CHGB: variants seen among roughly 807,000 people sequenced by gnomAD.
CHGB encodes the protein secretogranin-1.
CHGB carries 46 observed loss-of-function variants against 69.9 expected under a neutral mutation model. That is an observed-to-expected ratio of 0.66 (90% CI 0.52 to 0.84). The LOEUF (loss-of-function observed/expected upper bound fraction) is 0.84. CHGB is among the 40% of genes least tolerant of loss of function. The pLI is 0.00. For missense variants in CHGB, 796 were observed against 822.2 expected (o/e 0.97, Z 0.39); for synonymous variants, 312 against 298.2 (o/e 1.05, Z -0.48).
At chr20:5,912,914 A>G (rs75577876) in intron 1 of CHGB, among the ~76,000 whole-genome samples, 4,694 of 152,258 alleles carry the variant, frequency 0.031, 237 homozygotes, top group African/African-American at 0.11. Context: ...TGTAAGCTAT[A>G]TACATTCAGA....
rs148482419 is a variant in CHGB, at chr20:5,922,399, G to A, written c.255G>A (p.Leu85=). 37 of 1,601,526 alleles carry A rather than the reference G, an allele frequency of 2.3e-5. No homozygotes were observed. The highest frequency in any genetic ancestry group is 3.2e-5 in the Non-Finnish European group (37 of 1,170,792). ...ENENTKFEVR[L]LRDPADASEA... is the part of the protein sequence containing the mutation. ...AAAACACAAAGTTTGAAGTAAGATT[G>A]TTAAGAGACCCAGCTGATGCCTCGG... Residue 85 remains leucine, a synonymous_variant, in exon 4 of 5, where the codon TTG becomes TTA. Coordinates refer to ENST00000378961, the MANE Select transcript of CHGB (RefSeq NM_001819.3).
intron 3 of CHGB, chr20:5,917,132 G>T (rs446659): frequency 8.8e-5 from 50 of 570,322 alleles, no homozygotes; most frequent in African/African-American, 5.8e-4. Context: ...AGGAAAGACA[G>T]TTTGCCTCTC....
chr20:5,920,461 G>GAT (rs1253332352), intron 3 of CHGB, among the ~76,000 whole-genome samples: 1 of 152,226 alleles, frequency 6.6e-6, no homozygotes, highest in Non-Finnish European at 1.5e-5. Context: ...CAAGATCAGA[G>GAT]TGTCTTATGA....
At chr20:5,917,838 C>T (rs574443168) in intron 3 of CHGB, 1 of 151,778 alleles carries the variant, frequency 6.6e-6, no homozygotes, top group Non-Finnish European at 1.5e-5. Flanking sequence ...ATTTTTTCAC[C>T]TTTAAAAATC....
intron 3 of CHGB, 77 bp downstream of exon 3, chr20:5,916,996 CT>C: frequency 7.6e-7 from 1 of 1,313,210 alleles, no homozygotes; most frequent in Non-Finnish European, 1.1e-6. Flanking sequence ...TCACCTTCTA[CT>C]TTATCTACAA....
chr20:5,919,373 G>A (rs1477097864), intron 3 of CHGB, among the ~76,000 whole-genome samples: 2 of 152,196 alleles, frequency 1.3e-5, no homozygotes, highest in Non-Finnish European at 2.9e-5. Context: ...TGCTGAGATG[G>A]CGAAGGTTTA....
chr20:5,914,492 A>G (rs2088464494), intron 1 of CHGB: 1 of 152,204 alleles, frequency 6.6e-6, no homozygotes. Flanking sequence ...GTTAATAAAA[A>G]CATCTATTTT....
Position 5,922,516 on chromosome 20 carries a change from A to G in CHGB, c.372A>G (p.Ala124=), listed in dbSNP as rs2088520313. ...CAAAGGCAGACACAGAGAAATGGGC[A>G]GAGGGAGGCGGGCACAGCCGAGAGC... ...GPTKADTEKW[A]EGGGHSRERA... Residue 124 remains alanine (A), a synonymous_variant, in exon 4 of 5, where the codon GCA becomes GCG. Transcript: ENST00000378961. 1 of 1,613,112 alleles carries G rather than the reference A, an allele frequency of 6.2e-7. No homozygotes were observed. The highest frequency in any genetic ancestry group is 8.5e-7 in the Non-Finnish European group (1 of 1,179,370).
At chr20:5,915,984 A>G (rs1600211348) in intron 1 of CHGB, 1 of 176,852 alleles carries the variant, frequency 5.7e-6, no homozygotes, top group East Asian at 1.5e-4. Context: ...AAGTGCTGGG[A>G]TTACAAGCAT....
chr20:5,924,783 A>G (rs1192992501), intron 4 of CHGB, among the ~76,000 whole-genome samples, 189 bp from the exon 5 acceptor site: 1 of 152,190 alleles, frequency 6.6e-6, no homozygotes, highest in Non-Finnish European at 1.5e-5. Context: ...AGACCCCAAT[A>G]TCTGCATTTC....
chr20:5,916,814 G>GT lies in CHGB; in HGVS notation c.97-9dup. 6.2e-7 allele frequency: 1 copy of GT among 1,614,000 alleles called. No individual in the cohort carries two copies. The highest frequency in any genetic ancestry group is 1.1e-5 in the South Asian group (1 of 91,078). On this transcript the variant is annotated splice_polypyrimidine_tract_variant and intron_variant, in intron 2 of 4. Coordinates refer to ENST00000378961, the MANE Select transcript of CHGB (RefSeq NM_001819.3). ...ACCAGCTTCTCCAACCTGCTTTCGG[G>GT]TTTCCCCCCAGGTGACTCGCTGCAT...
intron 1 of CHGB, chr20:5,915,478 AAG>A (rs2088469991): frequency 1.3e-5 from 2 of 152,268 alleles, no homozygotes; most frequent in Non-Finnish European, 2.9e-5. Context: ...AGTGTGGAGA[AAG>A]AGAAACACAA....
In CHGB at chr20:5,923,348, G is replaced by A. The variant is rs1233890024; in HGVS notation, c.1204G>A (p.Gly402Ser). 1.2e-6 allele frequency: 2 copies of A among 1,613,794 alleles called. No individual in the cohort carries two copies. The highest frequency in any genetic ancestry group is 1.1e-5 in the South Asian group (1 of 91,066). The change falls in exon 4 of 5, where the codon GGT (glycine) becomes AGT (serine). Residue 402 changes from glycine (G) to serine (S), a missense_variant. This residue lies in a region of CHGB where 518 missense variants were observed against 506.3 expected (regional missense o/e 1.02). Coordinates refer to ENST00000378961, the MANE Select transcript of CHGB (RefSeq NM_001819.3). ...GCTTGATAAGATGGCACATGGATAT[G>A]GTGAAGAAAGTGAGGAAGAGAGGGG... ...LELDKMAHGY[G>S]EESEEERGLE...
rs962068172 is a variant in CHGB at position 5,911,732 on chromosome 20, C to T, written c.49+50C>T. 1.6e-5 allele frequency: 22 copies of T among 1,362,434 alleles called. No individual in the cohort carries two copies. The South Asian group carries it at 2.3e-4, about 15-fold the overall frequency. The allele number at this position is 1,362,434 out of a possible 1,614,324, so 84.4% of individuals were successfully genotyped here. ...AGCACCGCGGACAGCGCCAGCCTCGCTCTTCCCCGCCGCTCCCGCAGCCAG... is the reference window on the plus strand; with the variant it reads ...AGCACCGCGGACAGCGCCAGCCTCGTTCTTCCCCGCCGCTCCCGCAGCCAG... On this transcript the variant is annotated intron_variant, in intron 1 of 4. Coordinates refer to ENST00000378961, the MANE Select transcript of CHGB (RefSeq NM_001819.3).
chr20:5,923,629 C>T lies in CHGB; in HGVS notation c.1485C>T (p.Asn495=), dbSNP rs1352516889. The T allele has an allele frequency of 6.2e-7, 1 of 1,613,948 alleles. No homozygotes were observed. The highest frequency in any genetic ancestry group is 8.5e-7 in the Non-Finnish European group (1 of 1,180,026). The change falls in exon 4 of 5, where the codon AAC becomes AAT. Residue 495 remains asparagine (N), a synonymous_variant. Coordinates refer to ENST00000378961, the MANE Select transcript of CHGB (RefSeq NM_001819.3). ...QQGDLQDTKE[N]REEARFQDKQ... ...GAGACCTGCAGGACACTAAAGAAAA[C>T]AGGGAGGAAGCTAGGTTTCAAGATA...
chr20:5,925,138 C>T lies in CHGB; in HGVS notation c.*89C>T, dbSNP rs1322490386. ...CACTGAAAGACACCATTTATCTACC[C>T]AAGGGCAGAAAGTAGAACTTACTAT... On this transcript the variant is annotated 3_prime_UTR_variant, in exon 5 of 5. Coordinates refer to ENST00000378961, the MANE Select transcript of CHGB (RefSeq NM_001819.3). The T allele has an allele frequency of 1.0e-5, 8 of 783,128 alleles. No individual in the cohort carries two copies. The East Asian group carries it at 1.8e-4, about 18-fold the overall frequency. The allele number at this position is 783,128 out of a possible 1,614,324, so 48.5% of individuals were successfully genotyped here.
intron 3 of CHGB, among the ~76,000 whole-genome samples, chr20:5,918,462 A>G (rs2122571450): frequency 6.6e-6 from 1 of 152,288 alleles, no homozygotes; most frequent in Non-Finnish European, 1.5e-5. Context: ...CTCTTGCTAT[A>G]GCTATACATG....
chr20:5,916,861 CTTG>C lies in CHGB; in HGVS notation c.134_136del (p.Leu45del). ...GCATCATTGAGGTCCTCTCAAATGC[CTTG>C]TCGAAGTCCAGCGCTCCACCCATCA... On this transcript the variant is annotated inframe_deletion, in exon 3 of 5. Coordinates refer to ENST00000378961, the MANE Select transcript of CHGB (RefSeq NM_001819.3). The C allele has an allele frequency of 6.2e-7, 1 of 1,614,230 alleles. No individual in the cohort carries two copies. The highest frequency in any genetic ancestry group is 8.5e-7 in the Non-Finnish European group (1 of 1,180,044).
Position 5,916,874 on chromosome 20 carries a change from A to G in CHGB, c.145A>G (p.Ser49Gly), listed in dbSNP as rs1450642385. 2.1e-5 allele frequency: 34 copies of G among 1,614,072 alleles called. No homozygotes were observed. Among genetic ancestry groups the G allele is most frequent in the Non-Finnish European group, 2.7e-5 (32 of 1,180,054 alleles). Residue 49 changes from serine (S) to glycine (G), a missense_variant, in exon 3 of 5, where the codon AGC becomes GGC. This residue lies in a region of CHGB where 518 missense variants were observed against 506.3 expected (regional missense o/e 1.02). Transcript: ENST00000378961. ...EVLSNALSKS[S>G]APPITPECRQ... ...CCTCTCAAATGCCTTGTCGAAGTCC[A>G]GCGCTCCACCCATCACCCCTGAGTG...
Sources: gnomAD v4.1 joint callset for allele counts (sites outside exome capture counted in the v4.1 genomes callset) on GRCh38, gnomAD v4.1.1 for gene constraint, gnomAD v4.1.1 regional missense constraint, MANE v1.5 for transcripts, NCBI Gene and HGNC (gene_info 2026-07-23, HGNC 2026-07-21) for gene names.